Variants in SNX29 observed in about 807,000 individuals in gnomAD.
The protein encoded by SNX29 is sorting nexin-29.
In SNX29, 78 loss-of-function variants were observed where a neutral mutation model predicts 102.1. That is an observed-to-expected ratio of 0.76 (90% CI 0.64 to 0.92). The LOEUF (loss-of-function observed/expected upper bound fraction) is 0.92. SNX29 is among the 40% of genes least tolerant of loss of function. The pLI is 0.00. For synonymous variants in SNX29, 580 were observed against 414.5 expected (o/e 1.40, Z -4.85); for missense variants, 1,280 against 1,061.7 (o/e 1.21, Z -2.86).
At chr16:11,992,445 A>G (rs1012815047) in intron 1 of SNX29, among the ~76,000 whole-genome samples, 5 of 151,748 alleles carry the variant, frequency 3.3e-5, no homozygotes, top group African/African-American at 1.2e-4. Context: ...CCCAAAGGAA[A>G]CTCCATATCC....
At position 12,043,176 on chromosome 16, in the gene SNX29, T is replaced by C; in HGVS notation, c.428+99T>C. On this transcript the variant is annotated intron_variant, in intron 5 of 20. Coordinates refer to ENST00000566228, the MANE Select transcript of SNX29 (RefSeq NM_032167.5). ...CTGGATTTTCATCCTAGTTCCCCGA[T>C]CTGGGGGAAGTGGGCCTCCCTCTGA... 2.7e-6 allele frequency: 4 copies of C among 1,464,946 alleles called. No individual in the cohort carries two copies. The South Asian group carries it at 4.9e-5, about 18-fold the overall frequency. The allele number at this position is 1,464,946 out of a possible 1,614,324, so 90.7% of individuals were successfully genotyped here.
At chr16:12,346,667 C>CA (rs1441003792) in intron 15 of SNX29, among the ~76,000 whole-genome samples, 4 of 152,240 alleles carry the variant, frequency 2.6e-5, no homozygotes, top group African/African-American at 9.6e-5. Flanking sequence ...ACACACCTTT[C>CA]AGCAGAGGGC....
chr16:12,475,185 C>T (rs922901987), intron 18 of SNX29, among the ~76,000 whole-genome samples: 2 of 152,156 alleles, frequency 1.3e-5, no homozygotes, highest in African/African-American at 2.4e-5. Context: ...TGAGTTTGTG[C>T]ATTACATCAG....
At chr16:12,562,982 G>A (rs77108528) in intron 20 of SNX29, among the ~76,000 whole-genome samples, 14 of 151,870 alleles carry the variant, frequency 9.2e-5, no homozygotes, top group Admixed American at 7.2e-4. Flanking sequence ...GAGGGCTGAT[G>A]CGTAAGAAAA....
intron 16 of SNX29, among the ~76,000 whole-genome samples, chr16:12,366,404 G>A (rs936191652): frequency 3.9e-5 from 6 of 152,226 alleles, no homozygotes; most frequent in African/African-American, 1.2e-4. Context: ...GAAAGGTAGG[G>A]CCATTAAATG....
intron 19 of SNX29, among the ~76,000 whole-genome samples, chr16:12,503,310 G>A (rs545371107): frequency 6.6e-6 from 1 of 152,308 alleles, no homozygotes; most frequent in East Asian, 1.9e-4. Flanking sequence ...AACATAGCTC[G>A]TGTTTATTTT....
chr16:12,302,619 T>G (rs1485265941), intron 15 of SNX29, among the ~76,000 whole-genome samples: 2 of 152,230 alleles, frequency 1.3e-5, no homozygotes, highest in Admixed American at 6.5e-5. Context: ...GGCTCTGCCC[T>G]CATGACCTAA....
At chr16:12,321,238 A>G (rs921099688) in intron 15 of SNX29, among the ~76,000 whole-genome samples, 1 of 152,024 alleles carries the variant, frequency 6.6e-6, no homozygotes, top group African/African-American at 2.4e-5. Flanking sequence ...TTAGTTCCCC[A>G]CGCAGGGACC....
At chr16:12,527,235 C>T in intron 20 of SNX29, 1 of 533,856 alleles carries the variant, frequency 1.9e-6, no homozygotes, top group South Asian at 1.5e-5. Flanking sequence ...TCAGCCACAG[C>T]CAAGCCTTAC....
At chr16:12,532,931 C>G (rs1246975210) in intron 20 of SNX29, among the ~76,000 whole-genome samples, 1 of 152,246 alleles carries the variant, frequency 6.6e-6, no homozygotes, top group East Asian at 1.9e-4. Flanking sequence ...CCGTCCTCCT[C>G]TGCTGCCAAG....
At chr16:11,982,731 C>T (rs996087119) in intron 1 of SNX29, among the ~76,000 whole-genome samples, 19 of 151,818 alleles carry the variant, frequency 1.3e-4, no homozygotes, top group African/African-American at 4.6e-4. Context: ...GCCCGGTCTC[C>T]ATCAGTAAAG....
chr16:12,444,580 C>T (rs1002788404), intron 18 of SNX29, among the ~76,000 whole-genome samples: 3 of 152,198 alleles, frequency 2.0e-5, no homozygotes, highest in Non-Finnish European at 4.4e-5. Flanking sequence ...TTGTTCCATA[C>T]CAGAGTAAGC....
chr16:12,262,132 G>A lies in SNX29; in HGVS notation c.1679-15801G>A, dbSNP rs1399759710. 4.0e-5 allele frequency among the ~76,000 whole-genome samples: 6 copies of A among 151,632 alleles called. 1 individual carries two copies. The East Asian group carries it at 7.8e-4, about 20-fold the overall frequency. ...GCTCTGAGCTCTGGTCTGTGCGCGCGTCCCCAGCTGAAGTGAGTGGTTGTT... is the reference window on the plus strand; with the variant it reads ...GCTCTGAGCTCTGGTCTGTGCGCGCATCCCCAGCTGAAGTGAGTGGTTGTT... On this transcript the variant is annotated intron_variant, in intron 14 of 20. Coordinates refer to ENST00000566228, the MANE Select transcript of SNX29 (RefSeq NM_032167.5).
intron 15 of SNX29, among the ~76,000 whole-genome samples, chr16:12,353,856 C>G (rs2082059383): frequency 6.6e-6 from 1 of 152,156 alleles, no homozygotes; most frequent in African/African-American, 2.4e-5. Flanking sequence ...CAGCAGGTGA[C>G]AACATTAGAT....
chr16:12,467,425 C>T (rs1245362561), intron 18 of SNX29, among the ~76,000 whole-genome samples: 2 of 152,150 alleles, frequency 1.3e-5, no homozygotes, highest in Non-Finnish European at 2.9e-5. Context: ...CTCTGAGCAG[C>T]CCCCGGTTAT....
intron 18 of SNX29, among the ~76,000 whole-genome samples, chr16:12,454,332 C>T (rs558008882): frequency 4.5e-4 from 68 of 152,316 alleles, no homozygotes; most frequent in African/African-American, 1.4e-3. Flanking sequence ...TCTGGACTGC[C>T]TCCCTGCAGA....
chr16:12,500,278 A>G (rs760621262), intron 19 of SNX29, among the ~76,000 whole-genome samples: 1 of 152,168 alleles, frequency 6.6e-6, no homozygotes, highest in Non-Finnish European at 1.5e-5. Flanking sequence ...GATTATAGGC[A>G]TGAGCCACTT....
At chr16:12,534,475 T>A (rs560836038) in intron 20 of SNX29, among the ~76,000 whole-genome samples, 1 of 152,338 alleles carries the variant, frequency 6.6e-6, no homozygotes, top group African/African-American at 2.4e-5. Context: ...TTGGTTTTTG[T>A]TTTCGGGGTT....
At chr16:12,441,130 C>T (rs1421593657) in intron 18 of SNX29, among the ~76,000 whole-genome samples, 1 of 142,970 alleles carries the variant, frequency 7.0e-6, no homozygotes, top group Non-Finnish European at 1.5e-5. Context: ...TTCTGTCGCC[C>T]AGGCTAGAGT....
Sources: gnomAD v4.1 joint callset for allele counts (sites outside exome capture counted in the v4.1 genomes callset) on GRCh38, gnomAD v4.1.1 for gene constraint, MANE v1.5 for transcripts, NCBI Gene and HGNC (gene_info 2026-07-23, HGNC 2026-07-21) for gene names.